LRTM1: variants seen among roughly 807,000 people sequenced by gnomAD.
The protein encoded by LRTM1 is leucine rich repeat transmembrane protein 1, also known as leucine-rich repeat and transmembrane domain-containing protein 1.
Under a neutral mutation model 32.4 loss-of-function variants are expected in LRTM1, and 38 were observed. That is an observed-to-expected ratio of 1.17 (90% CI 0.91 to 1.54). The LOEUF (loss-of-function observed/expected upper bound fraction) is 1.54, where lower values mean the gene tolerates loss of function less well. Among genes scored for constraint, LRTM1 ranks in the 40% most tolerant of loss-of-function variants. LRTM1 has a pLI of 0.00. For synonymous variants in LRTM1, 186 were observed against 169.9 expected, an observed-to-expected ratio of 1.09 and a Z score of -0.74; for missense variants, 466 against 415.4, an observed-to-expected ratio of 1.12 and a Z score of -1.06.
In LRTM1 at chr3:54,937,143, A is replaced by G. The variant is rs528827865; in HGVS notation, c.-221-11928T>C. On this transcript the variant is annotated intron_variant, in intron 1 of 2. Transcript: ENST00000493075. ...GGTGAAGACACCCTTACTTAAAAATAAGGTGTGCTCAAGGGACTCTCATTC... is the reference window on the plus strand; with the variant it reads ...GGTGAAGACACCCTTACTTAAAAATGAGGTGTGCTCAAGGGACTCTCATTC... Among the ~76,000 whole-genome samples the G allele has an allele frequency of 1.1e-4, 16 of 152,322 alleles. No homozygotes were observed. The South Asian group carries it at 3.3e-3, about 32-fold the overall frequency.
At chr3:54,923,705 G>A (rs1046758438) in intron 2 of LRTM1, among the ~76,000 whole-genome samples, 38 of 152,196 alleles carry the variant, frequency 2.5e-4, no homozygotes, top group Admixed American at 8.5e-4. Context: ...GTGAAGCACT[G>A]TGAAGTGGAG....
intron 1 of LRTM1, among the ~76,000 whole-genome samples, chr3:54,958,144 A>G (rs1701946928): frequency 6.6e-6 from 1 of 152,272 alleles, no homozygotes; most frequent in African/African-American, 2.4e-5. Flanking sequence ...GATGAAACAC[A>G]ATAAATAATA....
At chr3:54,930,995 C>T (rs1206653711), upstream of LRTM1, among the ~76,000 whole-genome samples, 1 of 151,296 alleles carries the variant, frequency 6.6e-6, no homozygotes, top group Non-Finnish European at 1.5e-5. Context: ...ACTCAGGAGG[C>T]TGAGGCAGGA....
At chr3:54,950,956 G>T (rs1054562642) in intron 1 of LRTM1, among the ~76,000 whole-genome samples, 1 of 152,158 alleles carries the variant, frequency 6.6e-6, no homozygotes, top group Non-Finnish European at 1.5e-5. Flanking sequence ...GGAAACTGAA[G>T]CCAGGACAGT....
intron 2 of LRTM1, among the ~76,000 whole-genome samples, chr3:54,921,590 T>G (rs112202819): frequency 4.8e-4 from 73 of 152,292 alleles, no homozygotes; most frequent in African/African-American, 1.7e-3. Flanking sequence ...GCCATGTGAT[T>G]GAATTCTGGA....
At chr3:54,960,379 T>C (rs867483463) in intron 1 of LRTM1, among the ~76,000 whole-genome samples, 46 of 152,294 alleles carry the variant, frequency 3.0e-4, no homozygotes, top group African/African-American at 9.6e-4. Context: ...AGAAGTGAAA[T>C]ATGCAATCAT....
At chr3:54,928,063 T>C, upstream of LRTM1, 2 of 706,284 alleles carry the variant, frequency 2.8e-6, no homozygotes, top group Non-Finnish European at 5.0e-6. Flanking sequence ...AGAAAACAGT[T>C]GTTGCTTTCA....
Position 54,918,759 on chromosome 3 carries a change from C to T in LRTM1, c.738G>A (p.Trp246Ter). 1 of 1,614,166 alleles carries T rather than the reference C, an allele frequency of 6.2e-7. No individual in the cohort carries two copies. Among genetic ancestry groups the T allele is most frequent in the Non-Finnish European group, 8.5e-7 (1 of 1,180,016 alleles). The change falls in exon 3 of 3, where the codon TGG becomes TGA. Residue 246 changes from tryptophan (W) to a stop codon, truncating the protein, a stop_gained. Transcript: ENST00000273286. LOFTEE classifies it high-confidence loss of function. ...APDPVSSQAQ[W>*]PGSAHGVVLR... is the part of the protein sequence containing the mutation. ...GGACCACACCGTGGGCAGAGCCGGG[C>T]CACTGAGCCTGCGAGGACACTGGAT...
In LRTM1 at chr3:54,918,854, T is replaced by C. The variant is rs1473001399; in HGVS notation, c.643A>G (p.Thr215Ala). The C allele has an allele frequency of 6.4e-7, 1 of 1,568,288 alleles. No individual in the cohort carries two copies. The highest frequency in any genetic ancestry group is 1.4e-5 in the African/African-American group (1 of 73,598). ...CTAAGGAGGTCCTTTCCCTTCCAGG[T>C]GTCTGGTGATTCACAGATGATGCCG... Reference protein sequence around the residue: ...TDGIICESPDTWKGKDLLRIP... With the variant: ...TDGIICESPDAWKGKDLLRIP... Residue 215 changes from threonine (T) to alanine (A), a missense_variant, in exon 3 of 3, where the codon ACC (threonine) becomes GCC (alanine). Physicochemically the swap from Thr to Ala is moderately conservative, Grantham distance 58. Transcript: ENST00000273286.
intron 1 of LRTM1, among the ~76,000 whole-genome samples, chr3:54,958,705 C>G (rs1701962055): frequency 6.6e-6 from 1 of 152,202 alleles, no homozygotes; most frequent in Admixed American, 6.5e-5. Context: ...TACAAACTGT[C>G]TCAATTCTCT....
At chr3:54,964,273 G>T (rs1333255254) in intron 1 of LRTM1, among the ~76,000 whole-genome samples, 1 of 152,176 alleles carries the variant, frequency 6.6e-6, no homozygotes, top group Non-Finnish European at 1.5e-5. Flanking sequence ...CTCTATCCAT[G>T]TGATGAAGAT....
At chr3:54,965,384 T>C (rs75233684) in intron 1 of LRTM1, among the ~76,000 whole-genome samples, 98 of 152,254 alleles carry the variant, frequency 6.4e-4, no homozygotes, top group African/African-American at 2.2e-3. Flanking sequence ...TCCCCTCCCT[T>C]ACTGTTTCCT....
At chr3:54,952,833 T>C (rs1259650219) in intron 1 of LRTM1, among the ~76,000 whole-genome samples, 1 of 152,150 alleles carries the variant, frequency 6.6e-6, no homozygotes, top group Non-Finnish European at 1.5e-5. Flanking sequence ...TTCCACGTGC[T>C]CTTTGGATGT....
Position 54,918,877 on chromosome 3 carries a change from C to T in LRTM1, c.620G>A (p.Gly207Asp). 6.5e-7 allele frequency: 1 copy of T among 1,545,080 alleles called. No homozygotes were observed. Among genetic ancestry groups the T allele is most frequent in the Non-Finnish European group, 8.7e-7 (1 of 1,144,796 alleles). ...KFVYKGGLTD[G>D]IICESPDTWK... The stretch of plus-strand genomic sequence containing the variant: ...GGTGTCTGGTGATTCACAGATGATG[C>T]CGTCTGTTAGTCCCCCTTTAAAAAA... Residue 207 changes from glycine (G) to aspartate (D), a missense_variant, in exon 3 of 3, where the codon GGC (glycine) becomes GAC (aspartate). Transcript: ENST00000273286.
At chr3:54,941,896 A>G (rs1233199298) in intron 1 of LRTM1, among the ~76,000 whole-genome samples, 2 of 152,168 alleles carry the variant, frequency 1.3e-5, no homozygotes, top group Non-Finnish European at 2.9e-5. Context: ...CTGTAGTAAA[A>G]ATGGAAACTG....
At position 54,940,093 on chromosome 3, in the gene LRTM1, T is replaced by A. The variant is rs572479218; in HGVS notation, c.-221-14878A>T. 1.9e-3 allele frequency among the ~76,000 whole-genome samples: 282 copies of A among 152,308 alleles called. 1 individual carries two copies. The highest frequency in any genetic ancestry group is 0.014 in the Middle Eastern group (4 of 294). Reference sequence around the variant, plus strand: ...TCCCACTGGACAGCTCAATCTTCTATGGTCAGGAAAAAACCACACACTCAC... The same window carrying A: ...TCCCACTGGACAGCTCAATCTTCTAAGGTCAGGAAAAAACCACACACTCAC... On this transcript the variant is annotated intron_variant, in intron 1 of 2. Transcript: ENST00000493075.
At position 54,918,779 on chromosome 3, in the gene LRTM1, C is replaced by A. The variant is rs747892732; in HGVS notation, c.718G>T (p.Val240Leu). 6 of 1,614,084 alleles carry A rather than the reference C, an allele frequency of 3.7e-6. No individual in the cohort carries two copies. In the East Asian group the frequency reaches 1.3e-4, roughly 36 times the overall value. Residue 240 changes from valine to leucine, a missense_variant, in exon 3 of 3, where the codon GTG becomes TTG. Val to Leu is a conservative substitution (Grantham distance 32, BLOSUM62 1). Transcript: ENST00000273286. ...CCGGGCCACTGAGCCTGCGAGGACACTGGATCAGGAGCAGGAAGAGGGCAG... is the reference window on the plus strand; with the variant it reads ...CCGGGCCACTGAGCCTGCGAGGACAATGGATCAGGAGCAGGAAGAGGGCAG... ...QPCPLPAPDP[V>L]SSQAQWPGSA...
At chr3:54,923,865 T>C (rs1242635722) in intron 2 of LRTM1, among the ~76,000 whole-genome samples, 1 of 152,222 alleles carries the variant, frequency 6.6e-6, no homozygotes, top group Non-Finnish European at 1.5e-5. Context: ...AAGGGCCAGA[T>C]AGACAATACA....
Position 54,920,768 on chromosome 3 carries a change from C to T in LRTM1, c.605-1876G>A, listed in dbSNP as rs71308050. On this transcript the variant is annotated intron_variant, in intron 2 of 2. Transcript: ENST00000273286. ...GAGACTTCTATCAGGGGAAGCAAGA[C>T]CACCTGCCAGGGGGATGGACAGGTT... Among the ~76,000 whole-genome samples the T allele has an allele frequency of 6.7e-3, 1,024 of 152,282 alleles. 10 individuals are homozygous for T. The highest frequency in any genetic ancestry group is 0.011 in the Non-Finnish European group (772 of 68,016).
Sources: gnomAD v4.1 joint callset for allele counts (sites outside exome capture counted in the v4.1 genomes callset) on GRCh38, gnomAD v4.1.1 for gene constraint, MANE v1.5 for transcripts, NCBI Gene and HGNC (gene_info 2026-07-23, HGNC 2026-07-21) for gene names.